Variants in GALNTL6 observed in about 807,000 individuals in gnomAD.
GALNTL6 encodes the protein polypeptide N-acetylgalactosaminyltransferase-like 6.
Under a neutral mutation model 73.7 loss-of-function variants are expected in GALNTL6, and 46 were observed. The observed-to-expected ratio is 0.62, with a 90% CI of 0.49 to 0.80. GALNTL6 has a LOEUF of 0.80. GALNTL6 is among the 30% of genes least tolerant of loss of function. The pLI is 0.00. For missense variants in GALNTL6, 604 were observed against 755.0 expected (o/e 0.80, Z 2.34); for synonymous variants, 259 against 263.7 (o/e 0.98, Z 0.17).
chr4:172,760,950 G>A (rs1738049515), intron 5 of GALNTL6, among the ~76,000 whole-genome samples: 1 of 152,152 alleles, frequency 6.6e-6, no homozygotes, highest in African/African-American at 2.4e-5. Flanking sequence ...TAAAAGGATA[G>A]GAAAGATGAG....
intron 5 of GALNTL6, among the ~76,000 whole-genome samples, chr4:172,521,773 G>A (rs1246787598): frequency 1.3e-5 from 2 of 152,164 alleles, no homozygotes; most frequent in Admixed American, 6.5e-5. Context: ...AGAAATGGCA[G>A]CTAAGCAGAC....
At chr4:172,288,482 G>A (rs184480034) in intron 3 of GALNTL6, among the ~76,000 whole-genome samples, 93 of 152,220 alleles carry the variant, frequency 6.1e-4, no homozygotes, top group African/African-American at 2.1e-3. Context: ...TAAAATAGAA[G>A]TGGTAAATTA....
intron 12 of GALNTL6, among the ~76,000 whole-genome samples, chr4:173,038,262 A>G (rs1753773252): frequency 1.3e-5 from 2 of 152,172 alleles, no homozygotes; most frequent in African/African-American, 4.8e-5. Context: ...TGAGCATGAG[A>G]GATGCTGGGG....
chr4:172,626,369 G>T (rs1274396005), intron 5 of GALNTL6, among the ~76,000 whole-genome samples: 1 of 151,924 alleles, frequency 6.6e-6, no homozygotes, highest in African/African-American at 2.4e-5. Flanking sequence ...CTGTCTCATT[G>T]GTCTGTGTGT....
At chr4:171,933,702 A>C (rs906172369) in intron 2 of GALNTL6, among the ~76,000 whole-genome samples, 7 of 151,518 alleles carry the variant, frequency 4.6e-5, no homozygotes, top group Admixed American at 4.6e-4. Flanking sequence ...GAATTATTTT[A>C]ATTATTTTAC....
intron 2 of GALNTL6, among the ~76,000 whole-genome samples, chr4:172,115,503 A>T (rs1463873984): frequency 6.6e-6 from 1 of 152,168 alleles, no homozygotes; most frequent in African/African-American, 2.4e-5. Context: ...TTTTAGTGCA[A>T]TATGGTTTAA....
At chr4:172,201,926 GA>G (rs1444495602) in intron 2 of GALNTL6, among the ~76,000 whole-genome samples, 1 of 152,160 alleles carries the variant, frequency 6.6e-6, no homozygotes, top group African/African-American at 2.4e-5. Context: ...ATGACACCAA[GA>G]AATGGGCGGG....
chr4:172,492,672 G>A (rs1733938265), intron 5 of GALNTL6, among the ~76,000 whole-genome samples: 2 of 152,064 alleles, frequency 1.3e-5, no homozygotes, highest in Admixed American at 1.3e-4. Context: ...GTGCAGTCAT[G>A]GGAAAACTAC....
chr4:172,271,389 A>ACACAC (rs1292423643), intron 3 of GALNTL6, among the ~76,000 whole-genome samples: 1 of 152,182 alleles, frequency 6.6e-6, no homozygotes, highest in African/African-American at 2.4e-5. Context: ...TTTCATACAT[A>ACACAC]CACACATACA....
chr4:171,976,099 T>A (rs1739714031), intron 2 of GALNTL6, among the ~76,000 whole-genome samples: 1 of 152,158 alleles, frequency 6.6e-6, no homozygotes, highest in Admixed American at 6.5e-5. Flanking sequence ...ATTTTTGTAT[T>A]TTTAGTAGAG....
chr4:172,764,249 G>A (rs1208590127), intron 5 of GALNTL6, among the ~76,000 whole-genome samples: 1 of 152,128 alleles, frequency 6.6e-6, no homozygotes, highest in East Asian at 1.9e-4. Flanking sequence ...GAACCACCGC[G>A]CCTGGCCAGT....
Position 173,041,211 on chromosome 4 carries a change from T to G in GALNTL6, c.*1111T>G, listed in dbSNP as rs1753875798. The stretch of plus-strand genomic sequence containing the variant: ...TTTTTTATTTTTTTCTTGTTTTTTT[T>G]TTGTAGTGTTGAATTAATGATGTTC... On this transcript the variant is annotated 3_prime_UTR_variant, in exon 13 of 13. Coordinates refer to ENST00000506823, the MANE Select transcript of GALNTL6 (RefSeq NM_001034845.3). 1 of 151,762 alleles carries G rather than the reference T, an allele frequency of 6.6e-6. No individual in the cohort carries two copies. The highest frequency in any genetic ancestry group is 1.5e-5 in the Non-Finnish European group (1 of 67,944). The allele number at this position is 151,762 out of a possible 1,614,324, so 9.4% of individuals were successfully genotyped here.
chr4:172,192,019 ATGTT>A (rs993277162), intron 2 of GALNTL6, among the ~76,000 whole-genome samples: 11 of 152,018 alleles, frequency 7.2e-5, no homozygotes, highest in Non-Finnish European at 1.0e-4. Flanking sequence ...ATAATTTTAA[ATGTT>A]TGTTTATTAT....
chr4:171,986,807 C>T (rs142703453), intron 2 of GALNTL6, among the ~76,000 whole-genome samples: 12,610 of 152,142 alleles, frequency 0.083, 678 homozygotes, highest in African/African-American at 0.15. Flanking sequence ...CGACCCAGGA[C>T]ATCTGATTAG....
chr4:172,057,721 A>ATT (rs1553988640), intron 2 of GALNTL6, among the ~76,000 whole-genome samples: 3 of 58,642 alleles, frequency 5.1e-5, no homozygotes, highest in Non-Finnish European at 6.8e-5. Context: ...AAAAAAAAAA[A>ATT]AAAAAAATAT....
At chr4:172,316,956 G>A (rs1740581478) in intron 4 of GALNTL6, among the ~76,000 whole-genome samples, 1 of 152,166 alleles carries the variant, frequency 6.6e-6, no homozygotes, top group South Asian at 2.1e-4. Context: ...GCCAACTACA[G>A]TAAGCTTTGT....
chr4:172,650,735 G>A (rs1006288526), intron 5 of GALNTL6, among the ~76,000 whole-genome samples: 2 of 152,062 alleles, frequency 1.3e-5, no homozygotes, highest in Non-Finnish European at 2.9e-5. Flanking sequence ...GTAAAGAATT[G>A]ACTTTGAATA....
intron 5 of GALNTL6, among the ~76,000 whole-genome samples, chr4:172,678,914 A>G (rs1732461957): frequency 6.6e-6 from 1 of 152,176 alleles, no homozygotes; most frequent in African/African-American, 2.4e-5. Context: ...CAGATAGTAT[A>G]CATTGTAGCC....
intron 2 of GALNTL6, among the ~76,000 whole-genome samples, chr4:172,168,604 G>A (rs1734710146): frequency 6.6e-6 from 1 of 151,922 alleles, no homozygotes; most frequent in African/African-American, 2.4e-5. Context: ...TGGTGGTGGT[G>A]GTGGTAACAA....
Sources: gnomAD v4.1 joint callset for allele counts (sites outside exome capture counted in the v4.1 genomes callset) on GRCh38, gnomAD v4.1.1 for gene constraint, MANE v1.5 for transcripts, NCBI Gene and HGNC (gene_info 2026-07-23, HGNC 2026-07-21) for gene names.